FAM53A: variants seen among roughly 807,000 people sequenced by gnomAD.
FAM53A encodes protein FAM53A.
A neutral mutation model predicts 26.6 loss-of-function variants in FAM53A; 28 were observed. That is an observed-to-expected ratio of 1.05 (90% CI 0.78 to 1.45). The LOEUF is 1.45. Ranked by LOEUF, FAM53A falls within the 40% of genes most tolerant of loss-of-function variation. The pLI is 0.00. For synonymous variants in FAM53A, 290 were observed against 253.1 expected, an observed-to-expected ratio of 1.15 and a Z score of -1.38; for missense variants, 650 against 575.8, an observed-to-expected ratio of 1.13 and a Z score of -1.32.
intron 1 of FAM53A, among the ~76,000 whole-genome samples, chr4:1,676,447 G>C (rs1409482761): frequency 2.0e-5 from 3 of 152,122 alleles, no homozygotes; most frequent in Non-Finnish European, 4.4e-5. Flanking sequence ...GAAGTACTGG[G>C]GGGGGTCAGG....
Position 1,640,321 on chromosome 4 carries a change from A to G in FAM53A, c.*972T>C. 4.6e-6 allele frequency: 1 copy of G among 217,376 alleles called. No individual in the cohort carries two copies. Among genetic ancestry groups the G allele is most frequent in the Non-Finnish European group, 9.0e-6 (1 of 111,566 alleles). The allele number at this position is 217,376 out of a possible 1,614,324, so 13.5% of individuals were successfully genotyped here. On this transcript the variant is annotated 3_prime_UTR_variant, in exon 5 of 5. Transcript: ENST00000308132. Reference sequence around the variant, plus strand: ...GCACAGATGCCCATGCGCAAGCCCCAAGCACCGTGACCCGTCGGGAGGGGG... The same window carrying G: ...GCACAGATGCCCATGCGCAAGCCCCGAGCACCGTGACCCGTCGGGAGGGGG...
chr4:1,605,845 C>G, the FAM53A span, among the ~76,000 whole-genome samples: 1 of 152,160 alleles, frequency 6.6e-6, no homozygotes, highest in African/African-American at 2.4e-5. This position sits in a 1 kb window ranked among gnomAD's most constrained non-coding sequence, Gnocchi z 5.7. Flanking sequence ...ATGCTCCCGG[C>G]CCAGGCTTCA....
chr4:1,654,662 C>G (rs1278073901), intron 4 of FAM53A, among the ~76,000 whole-genome samples: 1 of 152,222 alleles, frequency 6.6e-6, no homozygotes, highest in East Asian at 1.9e-4. Context: ...GGGGGCGGCT[C>G]AGCCAGGCCA....
At chr4:1,607,475 C>A in the FAM53A span, among the ~76,000 whole-genome samples, 1 of 152,154 alleles carries the variant, frequency 6.6e-6, no homozygotes, top group Non-Finnish European at 1.5e-5. Flanking sequence ...ATCGTCAACT[C>A]AGGAGCAAAG....
intron 4 of FAM53A, chr4:1,644,145 A>G (rs879245191): frequency 6.6e-7 from 1 of 1,524,600 alleles, no homozygotes; most frequent in South Asian, 1.2e-5. Context: ...CAGCACCACC[A>G]GGCTGCACTA....
the FAM53A span, among the ~76,000 whole-genome samples, chr4:1,607,178 C>G: frequency 2.0e-5 from 3 of 152,178 alleles, no homozygotes; most frequent in Non-Finnish European, 4.4e-5. Flanking sequence ...GCCACCACAC[C>G]CGGCTGATTT....
the FAM53A span, among the ~76,000 whole-genome samples, chr4:1,579,299 G>C: frequency 6.6e-6 from 1 of 151,472 alleles, no homozygotes; most frequent in Admixed American, 6.6e-5. Context: ...GGTGGCCTCG[G>C]CTGGGCCCTG....
intron 1 of FAM53A, among the ~76,000 whole-genome samples, chr4:1,627,532 A>G (rs1301488967): frequency 6.6e-6 from 1 of 152,176 alleles, no homozygotes; most frequent in African/African-American, 2.4e-5. Flanking sequence ...GCTCCCCAGC[A>G]GACCCTGCCA....
chr4:1,646,140 G>A (rs900589262), intron 4 of FAM53A, among the ~76,000 whole-genome samples: 4 of 151,332 alleles, frequency 2.6e-5, no homozygotes, highest in Non-Finnish European at 5.9e-5. Context: ...TTGCTCTGTC[G>A]CCCAGGTTGG....
At chr4:1,636,069 G>A (rs527303152), downstream of FAM53A, among the ~76,000 whole-genome samples, 160 of 151,798 alleles carry the variant, frequency 1.1e-3, no homozygotes, top group African/African-American at 3.7e-3. Context: ...GGATGGTCTC[G>A]ATCTCCTGAC....
At chr4:1,619,255 G>A (rs532644924) in intron 1 of FAM53A, among the ~76,000 whole-genome samples, 37 of 152,230 alleles carry the variant, frequency 2.4e-4, no homozygotes, top group African/African-American at 4.6e-4. Context: ...TGTGGCGAGC[G>A]GCCCCTTACC....
chr4:1,684,210 C>G (rs1490286364), intron 1 of FAM53A, 23 bp downstream of exon 1: 1 of 151,426 alleles, frequency 6.6e-6, no homozygotes, highest in African/African-American at 2.4e-5. Flanking sequence ...GGGGCGGCGG[C>G]GCGCTCCGCC....
At chr4:1,606,832 C>T in the FAM53A span, among the ~76,000 whole-genome samples, 2 of 152,250 alleles carry the variant, frequency 1.3e-5, no homozygotes, top group Non-Finnish European at 2.9e-5. Flanking sequence ...GTCCCAGCCC[C>T]TGCTTTCCAC....
chr4:1,600,402 G>T, the FAM53A span, among the ~76,000 whole-genome samples: 434 of 152,234 alleles, frequency 2.9e-3, 2 homozygotes, highest in African/African-American at 0.01. Context: ...GGCAGGTGGG[G>T]CCAGGGAGCC....
downstream of FAM53A, among the ~76,000 whole-genome samples, chr4:1,614,439 CAG>C: frequency 8.0e-6 from 1 of 125,194 alleles, no homozygotes; most frequent in East Asian, 2.3e-4. Context: ...GAGGGGGATG[CAG>C]AGACATGAGG....
At chr4:1,614,725 C>T (rs1218107413), downstream of FAM53A, among the ~76,000 whole-genome samples, 7 of 152,164 alleles carry the variant, frequency 4.6e-5, no homozygotes, top group East Asian at 1.9e-4. Context: ...CAGCTCCGTC[C>T]GCCAATCAAT....
chr4:1,642,897 C>T (rs937166451), intron 4 of FAM53A, among the ~76,000 whole-genome samples: 2 of 152,230 alleles, frequency 1.3e-5, no homozygotes, highest in African/African-American at 2.4e-5. Context: ...GTGCCACTGG[C>T]CACGCCTGCA....
intron 1 of FAM53A, among the ~76,000 whole-genome samples, chr4:1,622,901 G>A (rs1385797868): frequency 6.6e-6 from 1 of 152,222 alleles, no homozygotes; most frequent in Non-Finnish European, 1.5e-5. Flanking sequence ...GGAAGGGGAG[G>A]CCACACGCAC....
chr4:1,673,334 T>C (rs1330334392), intron 1 of FAM53A, among the ~76,000 whole-genome samples: 1 of 152,244 alleles, frequency 6.6e-6, no homozygotes, highest in Non-Finnish European at 1.5e-5. Context: ...CTGTGACTAC[T>C]GCCTGTGGTC....
Sources: allele counts gnomAD v4.1 joint callset (sites outside exome capture counted in the v4.1 genomes callset), GRCh38; gene constraint gnomAD v4.1.1; non-coding constraint Gnocchi (gnomAD v3.1); transcripts MANE v1.5; gene names NCBI Gene and HGNC (gene_info 2026-07-23, HGNC 2026-07-21).